RUSC2: variants seen among roughly 807,000 people sequenced by gnomAD.
RUSC2 encodes RUN and SH3 domain containing 2, also known as AP-4 complex accessory subunit RUSC2.
In RUSC2, 34 loss-of-function variants were observed where a neutral mutation model predicts 122.2. The observed-to-expected ratio is 0.28, with a 90% confidence interval of 0.21 to 0.37. The LOEUF is 0.37. RUSC2 is among the 10% of genes least tolerant of loss of function. RUSC2 has a pLI of 1.00. For synonymous variants in RUSC2, 784 were observed against 790.0 expected (o/e 0.99, Z 0.13); for missense variants, 1,747 against 1,952.4 (o/e 0.89, Z 1.98).
chr9:35,544,601 C>T (rs896526397), intron 1 of RUSC2, among the ~76,000 whole-genome samples: 1 of 152,110 alleles, frequency 6.6e-6, no homozygotes, highest in African/African-American at 2.4e-5. Flanking sequence ...CCACTGTGCC[C>T]AGCCTCGTAT....
intron 1 of RUSC2, among the ~76,000 whole-genome samples, chr9:35,538,143 C>G (rs1821567031): frequency 6.6e-6 from 1 of 152,146 alleles, no homozygotes; most frequent in Non-Finnish European, 1.5e-5. Flanking sequence ...TCACACAAAC[C>G]CAGCTGGACC....
At chr9:35,494,600 G>T (rs925416556) in intron 1 of RUSC2, among the ~76,000 whole-genome samples, 1 of 151,842 alleles carries the variant, frequency 6.6e-6, no homozygotes. Context: ...TATATCTTTG[G>T]AGAAATGCCT....
At chr9:35,497,967 A>C (rs373508667) in intron 1 of RUSC2, among the ~76,000 whole-genome samples, 1 of 152,296 alleles carries the variant, frequency 6.6e-6, no homozygotes, top group African/African-American at 2.4e-5. Flanking sequence ...AACTTTGCCT[A>C]TATTCTCAGC....
intron 1 of RUSC2, among the ~76,000 whole-genome samples, chr9:35,534,008 CTT>C (rs1433726034): frequency 6.6e-6 from 1 of 152,144 alleles, no homozygotes; most frequent in Non-Finnish European, 1.5e-5. Context: ...AATAGTAACT[CTT>C]TAACTTTTTG....
At position 35,556,057 on chromosome 9, in the gene RUSC2, C is replaced by T. The variant is rs1281239287; in HGVS notation, c.2762C>T (p.Ala921Val). The T allele has an allele frequency of 6.2e-7, 1 of 1,614,218 alleles. No individual in the cohort carries two copies. Among genetic ancestry groups the T allele is most frequent in the East Asian group, 2.2e-5 (1 of 44,882 alleles). ...AGCCTAGACCGAAGATCACAAGAAG[C>T]TCGGCTGGCCCGAAGAAACCCTATC... Reference protein sequence around the residue: ...SGSLDRRSQEARLARRNPIFE... With the variant: ...SGSLDRRSQEVRLARRNPIFE... Residue 921 changes from alanine (A) to valine (V), a missense_variant, in exon 4 of 12, where the codon GCT becomes GTT. By Grantham distance (64) the Ala-to-Val change is moderately conservative. Coordinates refer to ENST00000361226, the MANE Select transcript of RUSC2 (RefSeq NM_014806.5).
At position 35,560,794 on chromosome 9, in the gene RUSC2, A is replaced by C; in HGVS notation, c.4154A>C (p.Lys1385Thr). The C allele has an allele frequency of 6.5e-7, 1 of 1,530,622 alleles. No homozygotes were observed. Among genetic ancestry groups the C allele is most frequent in the Non-Finnish European group, 8.8e-7 (1 of 1,141,848 alleles). The allele number at this position is 1,530,622 out of a possible 1,614,324, so 94.8% of individuals were successfully genotyped here. The change falls in exon 10 of 12, where the codon AAG becomes ACG. Residue 1385 changes from lysine (K) to threonine (T), a missense_variant. Coordinates refer to ENST00000361226, the MANE Select transcript of RUSC2 (RefSeq NM_014806.5). ...TCAGAGCCTTCACCTGGAGGCATCAAGTGGGGACACCTCTTTGGCTCCCGA... is the reference window on the plus strand; with the variant it reads ...TCAGAGCCTTCACCTGGAGGCATCACGTGGGGACACCTCTTTGGCTCCCGA... ...GASEPSPGGI[K>T]WGHLFGSRKA...
intron 2 of RUSC2, 124 bp from the exon 3 acceptor site, chr9:35,554,936 C>T (rs1821975465): frequency 9.2e-7 from 1 of 1,086,378 alleles, no homozygotes; most frequent in Non-Finnish European, 1.4e-6. Flanking sequence ...CGAACTTCTA[C>T]CCCATTCAAT....
chr9:35,527,391 CTGGCCTCAAGCAATCCTCCTG>C (rs994986621), intron 1 of RUSC2, among the ~76,000 whole-genome samples: 1 of 152,070 alleles, frequency 6.6e-6, no homozygotes, highest in Non-Finnish European at 1.5e-5. Context: ...TACCAAATTC[CTGGCCTCAAGCAATCCTCCTG>C]CCTCAGCCTC....
At chr9:35,539,565 A>G (rs1821601643) in intron 1 of RUSC2, among the ~76,000 whole-genome samples, 1 of 117,874 alleles carries the variant, frequency 8.5e-6, no homozygotes, top group Admixed American at 9.7e-5. Context: ...ACACACATAC[A>G]TACATACATG....
At chr9:35,519,434 GC>G (rs1821169411) in intron 1 of RUSC2, among the ~76,000 whole-genome samples, 1 of 152,198 alleles carries the variant, frequency 6.6e-6, no homozygotes, top group African/African-American at 2.4e-5. Context: ...CCCAGGAGAA[GC>G]ACCATCAGTC....
At chr9:35,527,145 T>TTA (rs1821340017) in intron 1 of RUSC2, among the ~76,000 whole-genome samples, 1 of 151,536 alleles carries the variant, frequency 6.6e-6, no homozygotes, top group Non-Finnish European at 1.5e-5. Flanking sequence ...GTTGTTTTTT[T>TTA]TTTCTTTTTT....
chr9:35,534,874 T>C (rs969778564), intron 1 of RUSC2, among the ~76,000 whole-genome samples: 4 of 152,256 alleles, frequency 2.6e-5, no homozygotes, highest in African/African-American at 9.6e-5. Context: ...TTATCAGATA[T>C]ATGATCTGCA....
intron 1 of RUSC2, among the ~76,000 whole-genome samples, chr9:35,531,951 G>A (rs943876245): frequency 6.6e-6 from 1 of 152,142 alleles, no homozygotes; most frequent in African/African-American, 2.4e-5. Context: ...GTGTGAACCC[G>A]GGAGGCAGAG....
Position 35,547,248 on chromosome 9 carries a change from T to C in RUSC2, c.727T>C (p.Ser243Pro). 1 of 1,614,158 alleles carries C rather than the reference T, an allele frequency of 6.2e-7. No individual in the cohort carries two copies. Among genetic ancestry groups the C allele is most frequent in the South Asian group, 1.1e-5 (1 of 91,074 alleles). The stretch of plus-strand genomic sequence containing the variant: ...TGAATCCCCAAGGAACCCTGGATGC[T>C]CCGGCTCAGGGGACCAGCACTGCCG... ...SDESPRNPGC[S>P]GSGDQHCRCS... The change falls in exon 2 of 12, where the codon TCC becomes CCC. Residue 243 changes from serine to proline, a missense_variant. Coordinates refer to ENST00000361226, the MANE Select transcript of RUSC2 (RefSeq NM_014806.5). This position sits in a 1 kb window ranked among gnomAD's most constrained non-coding sequence, Gnocchi z 4.6.
intron 1 of RUSC2, among the ~76,000 whole-genome samples, chr9:35,505,170 T>G (rs1406823134): frequency 6.6e-6 from 1 of 152,254 alleles, no homozygotes; most frequent in Non-Finnish European, 1.5e-5. Context: ...TTTGCTTGCC[T>G]TTTAATTTTG....
Position 35,555,823 on chromosome 9 carries a change from C to A in RUSC2, c.2656+122C>A. On this transcript the variant is annotated intron_variant, in intron 3 of 11. Coordinates refer to ENST00000361226, the MANE Select transcript of RUSC2 (RefSeq NM_014806.5). This position sits in a 1 kb window ranked among gnomAD's most constrained non-coding sequence, Gnocchi z 4.6. ...CAGAGGTTAGGATGTCTGCATCCCT[C>A]CCTCAGCATCTGTAGATAATATCCA... is the stretch of plus-strand genomic sequence containing the variant. 6.9e-7 allele frequency: 1 copy of A among 1,459,304 alleles called. No individual in the cohort carries two copies. Among genetic ancestry groups the A allele is most frequent in the Non-Finnish European group, 9.2e-7 (1 of 1,082,234 alleles). 90.4% of individuals were successfully genotyped at this position (1,459,304 alleles called of 1,614,324 possible).
chr9:35,519,423 C>A (rs1417876972), intron 1 of RUSC2, among the ~76,000 whole-genome samples: 1 of 152,172 alleles, frequency 6.6e-6, no homozygotes, highest in African/African-American at 2.4e-5. Flanking sequence ...TGATCTGGGG[C>A]CCCAGGAGAA....
Position 35,557,885 on chromosome 9 carries a change from G to T in RUSC2, c.2984-29G>T. On this transcript the variant is annotated intron_variant, in intron 5 of 11. Coordinates refer to ENST00000361226, the MANE Select transcript of RUSC2 (RefSeq NM_014806.5). This position sits in a 1 kb window ranked among gnomAD's most constrained non-coding sequence, Gnocchi z 4.6. ...TGAGTTGGTTAAGGACTTGCTCAGG[G>T]ACCTGTCACATCACATTCTTCCCTG... 2 of 1,606,574 alleles carry T rather than the reference G, an allele frequency of 1.2e-6. No individual in the cohort carries two copies. The highest frequency in any genetic ancestry group is 1.7e-6 in the Non-Finnish European group (2 of 1,173,060).
chr9:35,518,995 T>G (rs1821161407), intron 1 of RUSC2, among the ~76,000 whole-genome samples: 1 of 152,088 alleles, frequency 6.6e-6, no homozygotes, highest in South Asian at 2.1e-4. Flanking sequence ...CTCAAGAGAG[T>G]ACTATAAGCA....
Sources: gnomAD v4.1 joint callset for allele counts (sites outside exome capture counted in the v4.1 genomes callset) on GRCh38, gnomAD v4.1.1 for gene constraint, Gnocchi (gnomAD v3.1) non-coding constraint, MANE v1.5 for transcripts, NCBI Gene and HGNC (gene_info 2026-07-23, HGNC 2026-07-21) for gene names.